The following CNBD1 variants were observed in gnomAD, a reference collection of about 807,000 sequenced individuals.
CNBD1 encodes the protein cyclic nucleotide binding domain containing 1, also known as cyclic nucleotide-binding domain-containing protein 1.
Under a neutral mutation model 54.4 loss-of-function variants are expected in CNBD1, and 71 were observed. That is an observed-to-expected ratio of 1.30 (90% confidence interval 1.08 to 1.59). The LOEUF (loss-of-function observed/expected upper bound fraction) is 1.59. Ranked by LOEUF, CNBD1 falls within the 40% of genes most tolerant of loss-of-function variation. The probability of loss-of-function intolerance (pLI) is 0.00; values close to 1 mark genes in which losing one functional copy is unlikely to be tolerated. For missense variants in CNBD1, 659 were observed against 518.0 expected, an observed-to-expected ratio of 1.27 and a Z score of -2.64; for synonymous variants, 182 against 170.7, an observed-to-expected ratio of 1.07 and a Z score of -0.51.
chr8:87,407,626 A>C (rs912916135), intron 2 of CNBD1, among the ~76,000 whole-genome samples: 16 of 152,016 alleles, frequency 1.1e-4, no homozygotes, highest in African/African-American at 3.9e-4. Flanking sequence ...CTGTTTATAA[A>C]AATTCCTGTT....
At chr8:87,334,400 C>T (rs764630352) in intron 8 of CNBD1, among the ~76,000 whole-genome samples, 4 of 151,782 alleles carry the variant, frequency 2.6e-5, no homozygotes, top group Non-Finnish European at 1.5e-5. Flanking sequence ...TGATCTCAGT[C>T]ATTTCCTGTC....
At chr8:87,133,876 CT>C (rs1211896932) in intron 4 of CNBD1, among the ~76,000 whole-genome samples, 14 of 151,880 alleles carry the variant, frequency 9.2e-5, no homozygotes, top group Non-Finnish European at 2.1e-4. Flanking sequence ...GTAATTTAAC[CT>C]TTTGACTCAT....
intron 2 of CNBD1, 145 bp downstream of exon 2, chr8:86,887,756 G>T (rs114280865): frequency 3.5e-6 from 2 of 576,322 alleles, no homozygotes; most frequent in Non-Finnish European, 6.1e-6. Context: ...AAACCTGGGG[G>T]TTATTTCTTC....
At chr8:87,137,096 A>ATATTTATATTC (rs1379211084) in intron 4 of CNBD1, among the ~76,000 whole-genome samples, 7,653 of 89,454 alleles carry the variant, frequency 0.086, 2,387 homozygotes, top group African/African-American at 0.11. Flanking sequence ...TATTTATATT[A>ATATTTATATTC]TATGTAAATT....
At chr8:87,408,223 A>T (rs1043815341) in intron 2 of CNBD1, among the ~76,000 whole-genome samples, 11 of 151,912 alleles carry the variant, frequency 7.2e-5, no homozygotes, top group Non-Finnish European at 1.3e-4. Flanking sequence ...TGGTACTATA[A>T]TTCTATGTTT....
chr8:87,191,446 G>C (rs1813607940), intron 4 of CNBD1, among the ~76,000 whole-genome samples: 1 of 152,098 alleles, frequency 6.6e-6, no homozygotes, highest in Non-Finnish European at 1.5e-5. Flanking sequence ...AGTCTTCTCT[G>C]GTAACACCTT....
chr8:87,224,145 C>T (rs1814417704), intron 5 of CNBD1, among the ~76,000 whole-genome samples: 1 of 151,980 alleles, frequency 6.6e-6, no homozygotes, highest in African/African-American at 2.4e-5. Flanking sequence ...GATATTACCC[C>T]TTTGTCAGAT....
chr8:86,957,726 CTTT>C (rs1807814863), intron 4 of CNBD1, among the ~76,000 whole-genome samples: 3 of 152,008 alleles, frequency 2.0e-5, no homozygotes, highest in Non-Finnish European at 4.4e-5. Context: ...CTCTTTTCTT[CTTT>C]ATTAGTTTTT....
At chr8:87,317,495 A>T (rs750275392) in intron 8 of CNBD1, among the ~76,000 whole-genome samples, 20 of 151,600 alleles carry the variant, frequency 1.3e-4, no homozygotes, top group Non-Finnish European at 2.8e-4. Context: ...GTTATTTGAA[A>T]ATATTTAGTT....
At chr8:86,969,953 G>T (rs1003951762) in intron 4 of CNBD1, among the ~76,000 whole-genome samples, 5 of 151,552 alleles carry the variant, frequency 3.3e-5, no homozygotes, top group Non-Finnish European at 5.9e-5. Context: ...TTTTCTGCCT[G>T]AAATATATTA....
intron 6 of CNBD1, among the ~76,000 whole-genome samples, chr8:87,272,983 C>A (rs1333331818): frequency 1.3e-5 from 2 of 151,820 alleles, no homozygotes; most frequent in African/African-American, 4.8e-5. Flanking sequence ...AGTGTAACAT[C>A]CAAGTATGGA....
chr8:87,412,115 A>G (rs539099853), intron 2 of CNBD1, among the ~76,000 whole-genome samples: 18 of 152,178 alleles, frequency 1.2e-4, no homozygotes, highest in African/African-American at 4.3e-4. Context: ...AAAATTAAGG[A>G]ACCTGAGTTT....
intron 4 of CNBD1, among the ~76,000 whole-genome samples, chr8:86,951,581 C>CAAA (rs71275901): frequency 0.016 from 602 of 37,354 alleles, 205 homozygotes; most frequent in Non-Finnish European, 0.02. Context: ...CTCCGTCTCA[C>CAAA]AAAAAAAAAA....
At chr8:87,349,125 T>C (rs114132543) in intron 8 of CNBD1, among the ~76,000 whole-genome samples, 1 of 152,292 alleles carries the variant, frequency 6.6e-6, no homozygotes, top group African/African-American at 2.4e-5. Flanking sequence ...CATGATTAAG[T>C]CTTTTCATTT....
chr8:87,400,009 C>A (rs180819526), intron 2 of CNBD1, among the ~76,000 whole-genome samples: 95 of 151,932 alleles, frequency 6.3e-4, no homozygotes, highest in Non-Finnish European at 7.2e-4. Context: ...TGGAACCCCC[C>A]AAATACATGT....
chr8:87,423,927 G>T (rs190262428), intron 2 of CNBD1, among the ~76,000 whole-genome samples: 5 of 152,310 alleles, frequency 3.3e-5, no homozygotes, highest in Non-Finnish European at 7.3e-5. Flanking sequence ...TGGTTGGTAA[G>T]CTATTGATTA....
chr8:87,302,589 C>T (rs1223796284), intron 8 of CNBD1, among the ~76,000 whole-genome samples: 2 of 151,786 alleles, frequency 1.3e-5, no homozygotes, highest in Non-Finnish European at 2.9e-5. Context: ...ACAGGGATGC[C>T]CTCTCTCACC....
At chr8:87,051,166 G>A (rs532158218) in intron 4 of CNBD1, among the ~76,000 whole-genome samples, 1 of 152,318 alleles carries the variant, frequency 6.6e-6, no homozygotes, top group South Asian at 2.1e-4. Context: ...AACTACAGCT[G>A]AGGGTCTGAG....
At position 87,182,365 on chromosome 8, in the gene CNBD1, A is replaced by C. The variant is rs1003597700; in HGVS notation, c.432-23628A>C. On this transcript the variant is annotated intron_variant, in intron 4 of 10. Coordinates refer to ENST00000518476, the MANE Select transcript of CNBD1 (RefSeq NM_173538.3). The surrounding 1 kb of genome is among the most constrained non-coding windows in gnomAD (Gnocchi z 4.1). ...AGCACTGTGATAGACATATGTGTGC[A>C]TGTCTTTATGGTAGAATTATTTATA... 2.0e-5 allele frequency among the ~76,000 whole-genome samples: 3 copies of C among 152,004 alleles called. No individual in the cohort carries two copies. The highest frequency in any genetic ancestry group is 1.3e-4 in the Admixed American group (2 of 15,250).
Sources: allele counts gnomAD v4.1 joint callset (sites outside exome capture counted in the v4.1 genomes callset), GRCh38; gene constraint gnomAD v4.1.1; non-coding constraint Gnocchi (gnomAD v3.1); transcripts MANE v1.5; gene names NCBI Gene and HGNC (gene_info 2026-07-23, HGNC 2026-07-21).